Variants in CSMD1 observed in about 807,000 individuals in gnomAD.
CSMD1 encodes the protein CUB and Sushi multiple domains 1, also known as CUB and sushi domain-containing protein 1.
In CSMD1, 213 loss-of-function variants were observed where a neutral mutation model predicts 417.5. The observed-to-expected ratio is 0.51, with a 90% CI of 0.46 to 0.57. CSMD1 has a LOEUF of 0.57. CSMD1 is among the 20% of genes least tolerant of loss of function. The pLI is 0.00. For missense variants in CSMD1, 6,923 were observed against 4,529.7 expected (o/e 1.53, Z -15.17); for synonymous variants, 2,862 against 1,736.8 (o/e 1.65, Z -16.11).
intron 61 of CSMD1, among the ~76,000 whole-genome samples, chr8:2,962,198 G>T (rs1448241200): frequency 2.6e-5 from 4 of 152,212 alleles, no homozygotes. Flanking sequence ...AGTTAAGGTA[G>T]ACAGCGGAGA....
At chr8:3,567,625 G>C (rs916610239) in intron 10 of CSMD1, among the ~76,000 whole-genome samples, 2 of 151,852 alleles carry the variant, frequency 1.3e-5, no homozygotes, top group Non-Finnish European at 2.9e-5. Flanking sequence ...CCTATCATCT[G>C]GTATCAGCTC....
At chr8:3,892,410 G>C (rs74746689) in intron 5 of CSMD1, among the ~76,000 whole-genome samples, 3 of 152,086 alleles carry the variant, frequency 2.0e-5, no homozygotes, top group African/African-American at 4.8e-5. Context: ...TCATCAAGGA[G>C]AACTTCCCCA....
intron 3 of CSMD1, among the ~76,000 whole-genome samples, chr8:4,403,974 ACT>A (rs1326420230): frequency 5.3e-5 from 8 of 151,706 alleles, no homozygotes; most frequent in Admixed American, 2.0e-4. Flanking sequence ...CACCCCTAAA[ACT>A]CTCCTTTCTC....
intron 2 of CSMD1, among the ~76,000 whole-genome samples, chr8:4,469,938 G>A (rs111512584): frequency 5.9e-5 from 9 of 151,584 alleles, no homozygotes; most frequent in African/African-American, 1.9e-4. Context: ...TGTGATCTCG[G>A]CTCACTGCAA....
intron 7 of CSMD1, among the ~76,000 whole-genome samples, chr8:3,687,657 C>T (rs974135438): frequency 2.6e-5 from 4 of 152,156 alleles, no homozygotes; most frequent in Non-Finnish European, 5.9e-5. Flanking sequence ...TGCTGAGTGG[C>T]GCACGCTAGG....
chr8:2,984,928 C>A (rs978042186), intron 54 of CSMD1, among the ~76,000 whole-genome samples: 1 of 152,162 alleles, frequency 6.6e-6, no homozygotes, highest in South Asian at 2.1e-4. Context: ...GGTTTACATA[C>A]CCAACTTAAA....
intron 2 of CSMD1, among the ~76,000 whole-genome samples, chr8:4,597,216 T>C (rs1451193440): frequency 2.0e-5 from 3 of 152,186 alleles, no homozygotes; most frequent in African/African-American, 7.2e-5. Flanking sequence ...TAATAAAGTG[T>C]GTAATTTCTA....
intron 12 of CSMD1, among the ~76,000 whole-genome samples, chr8:3,413,811 T>C (rs1377056986): frequency 1.3e-5 from 2 of 152,152 alleles, no homozygotes; most frequent in Admixed American, 1.3e-4. Flanking sequence ...CCCTTCTCTC[T>C]ATGTCAGAGA....
chr8:3,073,848 CAAT>C (rs1278766840), intron 49 of CSMD1, among the ~76,000 whole-genome samples: 1 of 151,038 alleles, frequency 6.6e-6, no homozygotes, highest in East Asian at 2.0e-4. Flanking sequence ...AAAATGGAAA[CAAT>C]GAGTGATTTT....
chr8:4,338,272 G>A (rs974729895), intron 3 of CSMD1, among the ~76,000 whole-genome samples: 2 of 152,140 alleles, frequency 1.3e-5, no homozygotes, highest in African/African-American at 2.4e-5. Context: ...AGTTGAGTAA[G>A]TGCAAGAGTT....
At chr8:3,294,854 C>T (rs1323773773) in intron 25 of CSMD1, among the ~76,000 whole-genome samples, 1 of 152,104 alleles carries the variant, frequency 6.6e-6, no homozygotes, top group East Asian at 1.9e-4. Context: ...CCGACACTCC[C>T]CAGTGAGATG....
At chr8:4,027,381 C>T (rs1436456467) in intron 4 of CSMD1, among the ~76,000 whole-genome samples, 2 of 152,036 alleles carry the variant, frequency 1.3e-5, no homozygotes, top group Non-Finnish European at 2.9e-5. Context: ...AATTCTAATC[C>T]CCTAATCCCC....
At chr8:4,971,099 T>A (rs1476427626) in intron 1 of CSMD1, among the ~76,000 whole-genome samples, 1 of 152,052 alleles carries the variant, frequency 6.6e-6, no homozygotes, top group African/African-American at 2.4e-5. Flanking sequence ...CTCATTTTTT[T>A]CATATACCAA....
rs113195688 is a variant in CSMD1, at chr8:3,222,321, AT to A, written c.4484+1407del. Among the ~76,000 whole-genome samples, 1,042 of 148,926 alleles carry A rather than the reference AT, an allele frequency of 7.0e-3. 12 individuals carry two copies. Among genetic ancestry groups the A allele is most frequent in the African/African-American group, 0.024 (965 of 40,638 alleles). ...CTAACAAGGTTTTGTGTTCAATTTC[AT>A]TTTTTTTTTTAAAGCCAAGGTCTTG... On this transcript the variant is annotated intron_variant, in intron 28 of 69. Coordinates refer to ENST00000635120, the MANE Select transcript of CSMD1 (RefSeq NM_033225.6).
intron 6 of CSMD1, among the ~76,000 whole-genome samples, chr8:3,713,312 G>A (rs566925502): frequency 7.2e-5 from 11 of 152,116 alleles, no homozygotes; most frequent in Non-Finnish European, 1.2e-4. Flanking sequence ...AAAATGTGAC[G>A]AAACCATTAC....
chr8:4,491,460 G>C (rs139610059), intron 2 of CSMD1, among the ~76,000 whole-genome samples: 24 of 152,216 alleles, frequency 1.6e-4, no homozygotes, highest in Admixed American at 8.5e-4. Context: ...GAAAGGATAT[G>C]TTAAACAGCT....
In CSMD1 at chr8:3,807,226, C is replaced by T. The variant is rs377613801; in HGVS notation, c.819-53184G>A. On this transcript the variant is annotated intron_variant, in intron 5 of 69. Coordinates refer to ENST00000635120, the MANE Select transcript of CSMD1 (RefSeq NM_033225.6). ...TGAAGAAGCCAGGACATTGATAAAC[C>T]TATATTTAATGCCATAGTAATTTCC... is the stretch of plus-strand genomic sequence containing the variant. Among the ~76,000 whole-genome samples the T allele has an allele frequency of 6.4e-4, 97 of 152,210 alleles. 1 individual carries two copies. The South Asian group carries it at 0.019, about 30-fold the overall frequency.
chr8:4,757,004 A>T (rs1339477815), intron 1 of CSMD1, among the ~76,000 whole-genome samples: 1 of 152,208 alleles, frequency 6.6e-6, no homozygotes, highest in Non-Finnish European at 1.5e-5. Context: ...ATATATTTAG[A>T]TTTTATTAGT....
chr8:3,910,106 C>T (rs551431527), intron 5 of CSMD1, among the ~76,000 whole-genome samples: 5 of 152,136 alleles, frequency 3.3e-5, no homozygotes, highest in Admixed American at 1.3e-4. Context: ...GAGAACGGAA[C>T]ATCAACTGTG....
Sources: gnomAD v4.1 joint callset for allele counts (sites outside exome capture counted in the v4.1 genomes callset) on GRCh38, gnomAD v4.1.1 for gene constraint, MANE v1.5 for transcripts, NCBI Gene and HGNC (gene_info 2026-07-23, HGNC 2026-07-21) for gene names.